The following PAPOLG variants were observed in gnomAD, a reference collection of about 807,000 sequenced individuals.
The protein encoded by PAPOLG is PAP-gamma.
In PAPOLG, 40 loss-of-function variants were observed where a neutral mutation model predicts 99.0. That is an observed-to-expected ratio of 0.40 (90% CI 0.31 to 0.53). The LOEUF is 0.53. Ranked by LOEUF, PAPOLG falls within the 20% of genes least tolerant of loss-of-function variation. The pLI is 0.41. For synonymous variants in PAPOLG, 310 were observed against 299.3 expected (o/e 1.04, Z -0.37); for missense variants, 675 against 884.1 (o/e 0.76, Z 3.00).
chr2:60,779,798 T>C (rs779997080), intron 9 of PAPOLG, 23 bp downstream of exon 9: 2 of 1,589,892 alleles, frequency 1.3e-6, no homozygotes, highest in Admixed American at 3.4e-5. Flanking sequence ...GTGTGTACTT[T>C]GACTGTTTAC....
At chr2:60,786,760 C>A (rs1401524319) in intron 13 of PAPOLG, among the ~76,000 whole-genome samples, 187 bp from the exon 14 acceptor site, 1 of 152,170 alleles carries the variant, frequency 6.6e-6, no homozygotes, top group Non-Finnish European at 1.5e-5. Context: ...GAACTCCTGA[C>A]CTCAGGCGAT....
rs1245063360 is a variant in PAPOLG, at chr2:60,756,487, G to A, written c.9G>A (p.Glu3=). Residue 3 remains glutamate (E), a synonymous_variant, in exon 1 of 22, where the codon GAG becomes GAA. Coordinates refer to ENST00000238714, the MANE Select transcript of PAPOLG (RefSeq NM_022894.4). ...GGGAGACGCAGGAAGCGATGAAAGA[G>A]ATGTCTGCGTAAGTGGTGGGGGGCG... MK[E]MSANTVLDSQ... 6.3e-7 allele frequency: 1 copy of A among 1,586,174 alleles called. No homozygotes were observed. Among genetic ancestry groups the A allele is most frequent in the Admixed American group, 1.7e-5 (1 of 59,052 alleles).
intron 10 of PAPOLG, among the ~76,000 whole-genome samples, chr2:60,781,641 G>C (rs1304226632): frequency 6.6e-6 from 1 of 152,130 alleles, no homozygotes; most frequent in Non-Finnish European, 1.5e-5. Flanking sequence ...TTGTTTATAA[G>C]ATGCACATCA....
chr2:60,780,622 G>A, intron 9 of PAPOLG, 85 bp from the exon 10 acceptor site: 1 of 1,377,852 alleles, frequency 7.3e-7, no homozygotes, highest in Non-Finnish European at 1.0e-6. Flanking sequence ...CTCTGTAGAA[G>A]GTTAGAACAA....
At position 60,770,426 on chromosome 2, in the gene PAPOLG, C is replaced by G. The variant is rs373919299; in HGVS notation, c.439-32C>G. The stretch of plus-strand genomic sequence containing the variant: ...AGGAAGGATAAAGAAGGGATTACAC[C>G]TATGTGTTATAATTGTTTTCCTTTT... On this transcript the variant is annotated intron_variant, in intron 5 of 21. Transcript: ENST00000238714. 60 of 1,559,722 alleles carry G rather than the reference C, an allele frequency of 3.8e-5. 1 individual carries two copies. The Admixed American group carries it at 8.5e-4, about 22-fold the overall frequency.
At position 60,800,715 on chromosome 2, in the gene PAPOLG, G is replaced by A. The variant is rs1671819494; in HGVS notation, c.*3555G>A. On this transcript the variant is annotated 3_prime_UTR_variant, in exon 22 of 22. Transcript: ENST00000238714. ...GGGAATCCTTTATAATTGTGTATAA[G>A]AAGTTCTAGTTTACATGCATTTTTC... is the stretch of plus-strand genomic sequence containing the variant. The A allele has an allele frequency of 6.6e-6, 1 of 152,274 alleles. No individual in the cohort carries two copies. Among genetic ancestry groups the A allele is most frequent in the Non-Finnish European group, 1.5e-5 (1 of 68,034 alleles). 9.4% of individuals were successfully genotyped at this position (152,274 alleles called of 1,614,324 possible).
At chr2:60,757,816 T>G (rs1176221146) in intron 1 of PAPOLG, among the ~76,000 whole-genome samples, 1 of 152,194 alleles carries the variant, frequency 6.6e-6, no homozygotes. Flanking sequence ...TTGAAGGGAA[T>G]GTGGGATTCT....
At chr2:60,771,097 T>C (rs1670839323) in intron 6 of PAPOLG, among the ~76,000 whole-genome samples, 1 of 152,164 alleles carries the variant, frequency 6.6e-6, no homozygotes, top group Non-Finnish European at 1.5e-5. Context: ...TTTCATAGCT[T>C]TTGTTTGTCA....
chr2:60,791,279 G>A (rs964742396), intron 15 of PAPOLG, among the ~76,000 whole-genome samples: 8 of 151,844 alleles, frequency 5.3e-5, no homozygotes, highest in South Asian at 2.1e-4. Flanking sequence ...GGCTGGGCAC[G>A]GTGGCTTACG....
chr2:60,782,865 T>C, intron 12 of PAPOLG, 95 bp downstream of exon 12: 1 of 1,365,396 alleles, frequency 7.3e-7, no homozygotes, highest in African/African-American at 1.5e-5. Context: ...ACAGCTCTTT[T>C]ATTTCTTAAG....
At chr2:60,779,952 C>T (rs997882416) in intron 9 of PAPOLG, among the ~76,000 whole-genome samples, 177 bp downstream of exon 9, 1 of 152,148 alleles carries the variant, frequency 6.6e-6, no homozygotes, top group Non-Finnish European at 1.5e-5. Flanking sequence ...GCACCTTCTT[C>T]CAGGGATTTG....
intron 13 of PAPOLG, among the ~76,000 whole-genome samples, chr2:60,785,513 C>T (rs941848664): frequency 3.3e-5 from 5 of 151,912 alleles, no homozygotes; most frequent in Non-Finnish European, 1.5e-5. Context: ...ATTGTTTAAA[C>T]TTATCTTAGC....
intron 1 of PAPOLG, among the ~76,000 whole-genome samples, chr2:60,757,974 G>C (rs1313367302): frequency 6.6e-6 from 1 of 152,184 alleles, no homozygotes; most frequent in Admixed American, 6.5e-5. Flanking sequence ...GAAGTAGTTA[G>C]AGAGGAGAGA....
chr2:60,791,122 A>G (rs1435323541), intron 15 of PAPOLG, among the ~76,000 whole-genome samples: 1 of 152,176 alleles, frequency 6.6e-6, no homozygotes, highest in Admixed American at 6.5e-5. Context: ...GACCTGGGCA[A>G]GTAGTTATGA....
chr2:60,797,252 G>T lies in PAPOLG; in HGVS notation c.*92G>T, dbSNP rs2103834170. 1.4e-6 allele frequency: 2 copies of T among 1,473,954 alleles called. No homozygotes were observed. Among genetic ancestry groups the T allele is most frequent in the East Asian group, 2.3e-5 (1 of 42,926 alleles). The allele number at this position is 1,473,954 out of a possible 1,614,324, so 91.3% of individuals were successfully genotyped here. On this transcript the variant is annotated 3_prime_UTR_variant, in exon 22 of 22. Coordinates refer to ENST00000238714, the MANE Select transcript of PAPOLG (RefSeq NM_022894.4). The stretch of plus-strand genomic sequence containing the variant: ...TTAAATAGAAGTGGCTGTCATACGT[G>T]AAATAAGGTGAAAGTGACAGCCTTC...
intron 12 of PAPOLG, 133 bp downstream of exon 12, chr2:60,782,903 T>A: frequency 8.6e-7 from 1 of 1,160,640 alleles, no homozygotes; most frequent in Non-Finnish European, 1.2e-6. Context: ...ACAAAAATCC[T>A]AAGAGATAAG....
rs1267613713 is a variant in PAPOLG, at chr2:60,761,815, TCTAAA to T, written c.246+12_246+16del. On this transcript the variant is annotated intron_variant, in intron 3 of 21. Coordinates refer to ENST00000238714, the MANE Select transcript of PAPOLG (RefSeq NM_022894.4). Reference sequence around the variant, plus strand: ...GATGTCAGCGAGAGTAAGGTAAGACTCTAAACTATGTGGAATTCTTGTTTTTATTA... The same window carrying T: ...GATGTCAGCGAGAGTAAGGTAAGACTCTATGTGGAATTCTTGTTTTTATTA... 19 of 1,544,008 alleles carry T rather than the reference TCTAAA, an allele frequency of 1.2e-5. 1 individual carries two copies. In the Middle Eastern group the frequency reaches 2.5e-3, roughly 205 times the overall value.
intron 3 of PAPOLG, 75 bp from the exon 4 acceptor site, chr2:60,768,395 C>A: frequency 6.7e-7 from 1 of 1,483,044 alleles, no homozygotes; most frequent in South Asian, 1.2e-5. Context: ...AGCCACCATG[C>A]CCAGCCAACA....
intron 10 of PAPOLG, 136 bp downstream of exon 10, chr2:60,780,915 C>G (rs1220745687): frequency 1.4e-6 from 1 of 694,674 alleles, no homozygotes; most frequent in African/African-American, 1.8e-5. Context: ...CCTCCTTCTG[C>G]TGTGGTTTTT....
Sources: allele counts gnomAD v4.1 joint callset (sites outside exome capture counted in the v4.1 genomes callset), GRCh38; gene constraint gnomAD v4.1.1; transcripts MANE v1.5; gene names NCBI Gene and HGNC (gene_info 2026-07-23, HGNC 2026-07-21).